Variants in ZBTB20 observed in about 807,000 individuals in gnomAD.
ZBTB20 encodes the protein zinc finger and BTB domain containing 20, also known as zinc finger and BTB domain-containing protein 20.
A neutral mutation model predicts 56.9 loss-of-function variants in ZBTB20; 9 were observed. The ratio of observed to expected loss-of-function variants is 0.16; its 90% CI spans 0.10 to 0.28. The LOEUF (loss-of-function observed/expected upper bound fraction) is 0.28, where lower values mean the gene tolerates loss of function less well. Ranked by LOEUF, ZBTB20 falls within the 10% of genes least tolerant of loss-of-function variation. The pLI, the probability that ZBTB20 is intolerant of heterozygous loss-of-function variation, is 1.00. For synonymous variants in ZBTB20, 417 were observed against 420.7 expected (o/e 0.99, Z 0.11); for missense variants, 655 against 1,003.0 (o/e 0.65, Z 4.69).
intron 6 of ZBTB20, among the ~76,000 whole-genome samples, chr3:114,607,031 C>T (rs1384545386): frequency 2.0e-5 from 3 of 151,642 alleles, no homozygotes; most frequent in African/African-American, 7.3e-5. Flanking sequence ...CCAGGAGGCA[C>T]AGGTTGCAGT....
intron 3 of ZBTB20, among the ~76,000 whole-genome samples, chr3:114,955,567 A>G (rs2077218041): frequency 6.6e-6 from 1 of 152,126 alleles, no homozygotes; most frequent in Non-Finnish European, 1.5e-5. Context: ...AGTTCTCATC[A>G]TCTTAGCTCT....
intron 6 of ZBTB20, among the ~76,000 whole-genome samples, chr3:114,593,384 C>CTTTTTT (rs201568736): frequency 7.5e-6 from 1 of 133,500 alleles, no homozygotes; most frequent in Non-Finnish European, 1.6e-5. Context: ...TTTTTCTTTT[C>CTTTTTT]TTTTTTTTTT....
intron 6 of ZBTB20, among the ~76,000 whole-genome samples, chr3:114,673,908 G>T (rs193042158): frequency 6.6e-6 from 1 of 152,084 alleles, no homozygotes; most frequent in Admixed American, 6.6e-5. Flanking sequence ...ATTTTGAATC[G>T]GTTGCTTACA....
chr3:115,009,947 C>G (rs187840580), intron 2 of ZBTB20, among the ~76,000 whole-genome samples: 4 of 152,024 alleles, frequency 2.6e-5, no homozygotes, highest in African/African-American at 9.6e-5. Context: ...TAAACTAAGA[C>G]AGTATTATGT....
At position 115,056,130 on chromosome 3, in the gene ZBTB20, G is replaced by C. The variant is rs540403522; in HGVS notation, c.-507+15089C>G. ...GAGAGATACATATAAGCATGTATGG[G>C]AGTGTGTAAAACATTTTTTACAGCA... On this transcript the variant is annotated intron_variant, in intron 2 of 11. Transcript: ENST00000675478. Among the ~76,000 whole-genome samples the C allele has an allele frequency of 2.0e-5, 3 of 152,224 alleles. No homozygotes were observed. The South Asian group carries it at 6.2e-4, about 32-fold the overall frequency.
At chr3:114,743,920 T>C (rs1244601402) in intron 5 of ZBTB20, 2 of 152,230 alleles carry the variant, frequency 1.3e-5, no homozygotes, top group Non-Finnish European at 2.9e-5. Flanking sequence ...ACCTCATTTC[T>C]GAATTTCACT....
chr3:114,662,885 A>G (rs1447221405), intron 6 of ZBTB20, among the ~76,000 whole-genome samples: 4 of 152,042 alleles, frequency 2.6e-5, no homozygotes, highest in Admixed American at 1.3e-4. Context: ...TGCTGTGCAG[A>G]AGCTCTTTAG....
At chr3:114,887,344 G>A (rs2076639308) in intron 4 of ZBTB20, among the ~76,000 whole-genome samples, 1 of 152,160 alleles carries the variant, frequency 6.6e-6, no homozygotes, top group South Asian at 2.1e-4. Context: ...ATAGTAGGTT[G>A]AATGTTGACT....
Position 114,315,820 on chromosome 3 carries a change from A to G in ZBTB20, c.*23185T>C, listed in dbSNP as rs1323831189. 6.5e-6 allele frequency: 1 copy of G among 153,272 alleles called. No homozygotes were observed. Among genetic ancestry groups the G allele is most frequent in the Non-Finnish European group, 1.5e-5 (1 of 68,914 alleles). The allele number at this position is 153,272 out of a possible 1,614,324, so 9.5% of individuals were successfully genotyped here. On this transcript the variant is annotated 3_prime_UTR_variant, in exon 12 of 12. Transcript: ENST00000675478. ...AGATATCTCTTCTGTGCACATGTAT[A>G]TGTTAACAGCTAGCCATTCAGCCAA...
intron 6 of ZBTB20, among the ~76,000 whole-genome samples, chr3:114,586,509 T>C (rs2055189592): frequency 6.6e-6 from 1 of 152,240 alleles, no homozygotes. Context: ...ATGACTGTTT[T>C]GGTGACAAGG....
At chr3:114,457,174 GA>G (rs1243995432) in intron 7 of ZBTB20, among the ~76,000 whole-genome samples, 1 of 152,132 alleles carries the variant, frequency 6.6e-6, no homozygotes, top group South Asian at 2.1e-4. Flanking sequence ...GGTGAACTGA[GA>G]AAAAAGAACA....
At chr3:115,000,461 T>G (rs990894879) in intron 2 of ZBTB20, among the ~76,000 whole-genome samples, 3 of 151,734 alleles carry the variant, frequency 2.0e-5, no homozygotes, top group Admixed American at 6.6e-5. Flanking sequence ...TTTTGTGGAC[T>G]GTTTTCTTTT....
chr3:115,100,961 A>G (rs925463273), intron 1 of ZBTB20, among the ~76,000 whole-genome samples: 1 of 152,240 alleles, frequency 6.6e-6, no homozygotes, highest in South Asian at 2.1e-4. Flanking sequence ...CAGTTAATAA[A>G]TCGAGACCAT....
intron 10 of ZBTB20, among the ~76,000 whole-genome samples, chr3:114,357,496 T>G (rs1475057726): frequency 2.0e-5 from 3 of 152,248 alleles, no homozygotes; most frequent in Non-Finnish European, 2.9e-5. Flanking sequence ...ATTACCTGAA[T>G]TTTTATTCAT....
At chr3:114,741,595 G>A (rs902323349) in intron 5 of ZBTB20, among the ~76,000 whole-genome samples, 46 of 152,140 alleles carry the variant, frequency 3.0e-4, no homozygotes, top group African/African-American at 1.1e-3. Context: ...TACAGAAGAG[G>A]CCGGTGCGGT....
intron 6 of ZBTB20, among the ~76,000 whole-genome samples, chr3:114,642,768 C>T (rs904033218): frequency 6.6e-6 from 1 of 152,020 alleles, no homozygotes; most frequent in Admixed American, 6.6e-5. Flanking sequence ...TTCAACCTTC[C>T]AGGTTTAAAA....
chr3:114,375,138 C>T (rs761677695), intron 10 of ZBTB20, among the ~76,000 whole-genome samples: 26 of 152,310 alleles, frequency 1.7e-4, no homozygotes, highest in African/African-American at 5.5e-4. Context: ...ACAGAATGAA[C>T]GGATAGCACG....
intron 5 of ZBTB20, among the ~76,000 whole-genome samples, chr3:114,775,872 C>G (rs992303930): frequency 6.6e-6 from 1 of 152,036 alleles, no homozygotes; most frequent in Non-Finnish European, 1.5e-5. Context: ...TGTTCAGGTA[C>G]AGTGTCTTTA....
chr3:115,074,830 C>A (rs1475500246), intron 1 of ZBTB20, among the ~76,000 whole-genome samples: 3 of 152,024 alleles, frequency 2.0e-5, no homozygotes, highest in Non-Finnish European at 4.4e-5. Flanking sequence ...CTGATAGGAA[C>A]CTTTCTGACT....
Sources: allele counts gnomAD v4.1 joint callset (sites outside exome capture counted in the v4.1 genomes callset), GRCh38; gene constraint gnomAD v4.1.1; transcripts MANE v1.5; gene names NCBI Gene and HGNC (gene_info 2026-07-23, HGNC 2026-07-21).